The following PDE1C variants were observed in gnomAD, a reference collection of about 807,000 sequenced individuals.
The protein encoded by PDE1C is dual specificity calcium/calmodulin-dependent 3',5'-cyclic nucleotide phosphodiesterase 1C.
PDE1C carries 62 observed loss-of-function variants against 93.1 expected under a neutral mutation model. That is an observed-to-expected ratio of 0.67 (90% CI 0.54 to 0.82). The LOEUF (loss-of-function observed/expected upper bound fraction) is 0.82, where lower values mean the gene tolerates loss of function less well. PDE1C is among the 40% of genes least tolerant of loss of function. The pLI is 0.00. For synonymous variants in PDE1C, 325 were observed against 310.1 expected (o/e 1.05, Z -0.50); for missense variants, 742 against 884.6 (o/e 0.84, Z 2.04).
At chr7:31,883,801 C>G (rs1159387207) in intron 2 of PDE1C, among the ~76,000 whole-genome samples, 1 of 152,198 alleles carries the variant, frequency 6.6e-6, no homozygotes, top group East Asian at 1.9e-4. Context: ...CTGAAATCGG[C>G]TCCATCAGGG....
the PDE1C span, among the ~76,000 whole-genome samples, chr7:31,701,378 G>C: frequency 6.5e-3 from 997 of 152,240 alleles, 8 homozygotes; most frequent in African/African-American, 0.023. Context: ...TGACTGAATT[G>C]CTGCAATCTA....
the PDE1C span, among the ~76,000 whole-genome samples, chr7:31,702,097 G>T: frequency 6.6e-6 from 1 of 152,110 alleles, no homozygotes; most frequent in Non-Finnish European, 1.5e-5. Flanking sequence ...TCTTTTTCTG[G>T]TACTACCTAT....
At chr7:32,219,432 A>G (rs1469694447) in intron 1 of PDE1C, among the ~76,000 whole-genome samples, 4 of 152,234 alleles carry the variant, frequency 2.6e-5, no homozygotes. Context: ...AGATCTTTCT[A>G]TCTGCCTTCT....
intron 2 of PDE1C, among the ~76,000 whole-genome samples, chr7:31,953,830 A>G (rs1470815466): frequency 2.0e-5 from 3 of 152,172 alleles, no homozygotes; most frequent in Non-Finnish European, 4.4e-5. Flanking sequence ...TCTTGTCCTG[A>G]GTTAGTAAAA....
intron 16 of PDE1C, chr7:31,808,147 T>G (rs1421741295): frequency 2.2e-6 from 1 of 454,126 alleles, no homozygotes. Context: ...ATTCTTACTC[T>G]TCCACCTGGT....
chr7:31,949,081 A>G lies in PDE1C; in HGVS notation c.129-68221T>C, dbSNP rs1326215932. Among the ~76,000 whole-genome samples the G allele has an allele frequency of 2.0e-5, 3 of 152,162 alleles. No homozygotes were observed. The East Asian group carries it at 5.8e-4, about 29-fold the overall frequency. On this transcript the variant is annotated intron_variant, in intron 2 of 17. Coordinates refer to ENST00000396191, the MANE Select transcript of PDE1C (RefSeq NM_001191057.4). ...TACAATGAGCAAACAAATTTTCTCCACAAATGATGCCTGGGGTCTTTTAGA... is the reference window on the plus strand; with the variant it reads ...TACAATGAGCAAACAAATTTTCTCCGCAAATGATGCCTGGGGTCTTTTAGA...
chr7:32,014,124 C>A (rs1787542682), intron 2 of PDE1C, among the ~76,000 whole-genome samples: 1 of 152,168 alleles, frequency 6.6e-6, no homozygotes, highest in Non-Finnish European at 1.5e-5. Context: ...CAATATGTAG[C>A]TGAAAGACCA....
chr7:31,680,023 G>C, the PDE1C span, among the ~76,000 whole-genome samples: 1 of 152,216 alleles, frequency 6.6e-6, no homozygotes, highest in Non-Finnish European at 1.5e-5. Context: ...CCAGCAACCA[G>C]AGAGTGTCCG....
At chr7:32,080,556 T>G (rs1197170201) in intron 3 of PDE1C, among the ~76,000 whole-genome samples, 1 of 152,200 alleles carries the variant, frequency 6.6e-6, no homozygotes, top group Middle Eastern at 3.2e-3. Context: ...AATTTTCAAT[T>G]ATCTGATTAG....
At chr7:32,192,094 C>A (rs79744022) in intron 2 of PDE1C, among the ~76,000 whole-genome samples, 2 of 152,102 alleles carry the variant, frequency 1.3e-5, no homozygotes, top group East Asian at 3.9e-4. Context: ...TTTGAGAATT[C>A]TTTATACATT....
At chr7:31,652,896 T>G in the PDE1C span, 1 of 1,551,802 alleles carries the variant, frequency 6.4e-7, no homozygotes, top group South Asian at 1.2e-5. Flanking sequence ...CAAGGAAATT[T>G]CAATTTTCCC....
chr7:32,006,398 G>A lies in PDE1C; in HGVS notation c.128+45156C>T, dbSNP rs569889746. On this transcript the variant is annotated intron_variant, in intron 2 of 17. Transcript: ENST00000396191. ...CTCCCCCACACTATACAATACAGGG[G>A]TAGAGGATATAAGATGTCTTTTTAC... 3.3e-5 allele frequency among the ~76,000 whole-genome samples: 5 copies of A among 152,288 alleles called. No homozygotes were observed. The South Asian group carries it at 8.3e-4, about 25-fold the overall frequency.
At chr7:32,165,764 G>C (rs951202283) in intron 3 of PDE1C, among the ~76,000 whole-genome samples, 2 of 152,204 alleles carry the variant, frequency 1.3e-5, no homozygotes, top group Admixed American at 6.5e-5. Flanking sequence ...CAATAGGTAA[G>C]TGACCTGCTC....
chr7:32,307,654 A>G (rs1813044629), intron 1 of PDE1C, among the ~76,000 whole-genome samples: 1 of 152,194 alleles, frequency 6.6e-6, no homozygotes, highest in African/African-American at 2.4e-5. Flanking sequence ...GCCACATCAG[A>G]GTTGGAACCT....
At chr7:31,823,307 A>G in intron 13 of PDE1C, 59 bp from the exon 14 acceptor site, 4 of 1,447,920 alleles carry the variant, frequency 2.8e-6, no homozygotes, top group Non-Finnish European at 3.8e-6. Context: ...ATGTCTGCCA[A>G]TGAGCAAGCC....
At chr7:32,192,859 T>C (rs928102796) in intron 2 of PDE1C, among the ~76,000 whole-genome samples, 5 of 152,186 alleles carry the variant, frequency 3.3e-5, no homozygotes, top group Admixed American at 2.0e-4. Context: ...ATTTCTCTCA[T>C]GGCACTGCAT....
downstream of PDE1C, among the ~76,000 whole-genome samples, chr7:31,748,142 C>A (rs1794045292): frequency 1.3e-5 from 2 of 151,986 alleles, no homozygotes; most frequent in Admixed American, 1.3e-4. Flanking sequence ...TAACCAAGGG[C>A]AGCTTGGAGA....
At chr7:32,321,962 T>C (rs1783300378) in intron 1 of PDE1C, among the ~76,000 whole-genome samples, 1 of 152,224 alleles carries the variant, frequency 6.6e-6, no homozygotes, top group South Asian at 2.1e-4. Flanking sequence ...AAATGTGTGC[T>C]ATGTGACATG....
chr7:31,641,842 C>A, the PDE1C span, among the ~76,000 whole-genome samples: 1 of 152,082 alleles, frequency 6.6e-6, no homozygotes, highest in African/African-American at 2.4e-5. Flanking sequence ...ATTAGTGTGG[C>A]ATTTAAGGCA....
Sources: allele counts gnomAD v4.1 joint callset (sites outside exome capture counted in the v4.1 genomes callset), GRCh38; gene constraint gnomAD v4.1.1; transcripts MANE v1.5; gene names NCBI Gene and HGNC (gene_info 2026-07-23, HGNC 2026-07-21).